The following NPIPB2 variants were observed in gnomAD, a reference collection of about 807,000 sequenced individuals.
NPIPB2 encodes nuclear pore complex interacting protein family member B2.
Under a neutral mutation model 30.8 loss-of-function variants are expected in NPIPB2, and 27 were observed. The ratio of observed to expected loss-of-function variants is 0.88; its 90% CI spans 0.65 to 1.21. NPIPB2 has a LOEUF of 1.21. NPIPB2 is among the 50% of genes most tolerant of loss of function. NPIPB2 has a pLI of 0.00. For synonymous variants in NPIPB2, 147 were observed against 162.0 expected (o/e 0.91, Z 0.70); for missense variants, 440 against 446.2 (o/e 0.99, Z 0.13).
intron 1 of NPIPB2, chr16:11,966,977 CATTTATTTATTTATTT>C (rs36230512): frequency 1.5e-4 from 25 of 161,626 alleles, no homozygotes; most frequent in Admixed American, 3.4e-4. Flanking sequence ...TTTCTGTATG[CATTTATTTATTTATTT>C]ATTTATTTAT....
intron 1 of NPIPB2, chr16:11,967,286 G>C (rs1034632304): frequency 5.5e-6 from 2 of 362,682 alleles, no homozygotes; most frequent in African/African-American, 4.2e-5. Flanking sequence ...ACAGGCGTGA[G>C]CCACAGGGCC....
Position 11,927,466 on chromosome 16 carries a change from CT to C in NPIPB2, c.1100del (p.Lys367ArgfsTer20). 2 of 1,201,902 alleles carry C rather than the reference CT, an allele frequency of 1.7e-6. No individual in the cohort carries two copies. The highest frequency in any genetic ancestry group is 3.5e-5 in the East Asian group (1 of 28,532). 74.5% of individuals were successfully genotyped at this position (1,201,902 alleles called of 1,614,324 possible). A position where few individuals can be genotyped will look rare whatever the true frequency, so the allele number is the denominator to read the frequency against. On this transcript the variant is annotated frameshift_variant, in exon 8 of 8. Coordinates refer to ENST00000399147, the Ensembl canonical transcript of NPIPB2. LOFTEE classifies it high-confidence loss of function. ...GTTCCACCTCAGCGGCCCTCCGCCT[CT>C]TGGGTTCGGGTGGTGATTCCACCTC...
At position 11,933,808 on chromosome 16, in the gene NPIPB2, C is replaced by A; in HGVS notation, c.292+17G>T. The A allele has an allele frequency of 6.3e-7, 1 of 1,590,824 alleles. No individual in the cohort carries two copies. The highest frequency in any genetic ancestry group is 8.5e-7 in the Non-Finnish European group (1 of 1,173,596). On this transcript the variant is annotated intron_variant, in intron 3 of 7. Coordinates refer to ENST00000399147, the Ensembl canonical transcript of NPIPB2. ...CAAACTCATTTCCACACTATGGGGA[C>A]TCCAACAGAGCCATACCTTCCTGTC...
At chr16:11,969,137 G>C (rs188639221) in intron 1 of NPIPB2, among the ~76,000 whole-genome samples, 36 of 152,192 alleles carry the variant, frequency 2.4e-4, no homozygotes, top group African/African-American at 8.2e-4. Context: ...AAAGTGTTGG[G>C]ATTACCGGTG....
chr16:11,927,466 C>T, exon 8 of NPIPB2: 1 of 1,201,902 alleles, frequency 8.3e-7, no homozygotes, highest in East Asian at 3.5e-5. Context: ...CCCTCCGCCT[C>T]TTGGGTTCGG....
At chr16:11,971,312 T>C (rs2055234225) in intron 1 of NPIPB2, among the ~76,000 whole-genome samples, 1 of 152,084 alleles carries the variant, frequency 6.6e-6, no homozygotes, top group Non-Finnish European at 1.5e-5. Context: ...TGAGAACACA[T>C]ACCCTAGGTG....
chr16:11,965,393 T>G, intron 1 of NPIPB2: 1 of 1,614,220 alleles, frequency 6.2e-7, no homozygotes, highest in Non-Finnish European at 8.5e-7. Context: ...CTTGCATACC[T>G]TGTCAACTTC....
chr16:11,948,511 A>T (rs2055033199), intron 1 of NPIPB2, among the ~76,000 whole-genome samples: 1 of 152,146 alleles, frequency 6.6e-6, no homozygotes, highest in Non-Finnish European at 1.5e-5. Context: ...TCACACCTGT[A>T]ATCCCAGCAC....
intron 1 of NPIPB2, among the ~76,000 whole-genome samples, chr16:11,949,322 C>T (rs2055042849): frequency 6.6e-6 from 1 of 152,130 alleles, no homozygotes; most frequent in Admixed American, 6.6e-5. Flanking sequence ...TCATCATCTC[C>T]ATTTAAAAAG....
chr16:11,976,274 G>C (rs2055294829), intron 1 of NPIPB2, among the ~76,000 whole-genome samples: 1 of 152,114 alleles, frequency 6.6e-6, no homozygotes, highest in South Asian at 2.1e-4. Flanking sequence ...CTCCAGGCAG[G>C]GGCCTTGCAA....
intron 1 of NPIPB2, among the ~76,000 whole-genome samples, chr16:11,939,262 T>G (rs3925634): frequency 0.93 from 140,310 of 150,866 alleles, 65,484 homozygotes; most frequent in East Asian, 1. Context: ...ATTTTAGTGC[T>G]TAAAAATTAA....
At chr16:11,951,219 G>A (rs1426087520) in intron 1 of NPIPB2, among the ~76,000 whole-genome samples, 1 of 151,804 alleles carries the variant, frequency 6.6e-6, no homozygotes, top group Non-Finnish European at 1.5e-5. Flanking sequence ...CACTTTGAGA[G>A]GCCGAGGCGG....
At chr16:11,937,088 T>C (rs2054877239) in intron 2 of NPIPB2, among the ~76,000 whole-genome samples, 1 of 152,130 alleles carries the variant, frequency 6.6e-6, no homozygotes, top group Non-Finnish European at 1.5e-5. Context: ...GTCTCATTTT[T>C]CAGCTGGTTC....
intron 4 of NPIPB2, 23 bp from the exon 5 acceptor site, chr16:11,930,574 T>C (rs2054778405): frequency 2.0e-6 from 3 of 1,536,812 alleles, no homozygotes; most frequent in Middle Eastern, 2.3e-4. Context: ...GGGAGAGAAA[T>C]GCACACACAT....
At chr16:11,966,952 A>G (rs905122253) in intron 1 of NPIPB2, 1 of 159,482 alleles carries the variant, frequency 6.3e-6, no homozygotes, top group African/African-American at 2.4e-5. Flanking sequence ...CCAAGCATGT[A>G]CAGCCACTGC....
At chr16:11,930,547 G>C in exon 5 of NPIPB2, 1 of 1,580,348 alleles carries the variant, frequency 6.3e-7, no homozygotes, top group Non-Finnish European at 8.5e-7. Context: ...TTCACGCTTA[G>C]TTTCCTCAGA....
exon 1 of NPIPB2, chr16:11,942,002 T>G (rs751427535): frequency 8.5e-6 from 11 of 1,290,510 alleles, no homozygotes; most frequent in East Asian, 2.5e-5. Flanking sequence ...GTGCCAGGTT[T>G]TACAGCCTCC....
At chr16:11,935,405 C>T (rs2054852123) in intron 2 of NPIPB2, among the ~76,000 whole-genome samples, 1 of 152,068 alleles carries the variant, frequency 6.6e-6, no homozygotes, top group Non-Finnish European at 1.5e-5. Flanking sequence ...CCTCCACCTC[C>T]CAGATTCAAG....
intron 2 of NPIPB2, among the ~76,000 whole-genome samples, chr16:11,935,720 T>A (rs1177110411): frequency 6.8e-6 from 1 of 147,352 alleles, no homozygotes; most frequent in South Asian, 2.2e-4. Flanking sequence ...CAATGGGTAA[T>A]CTAAAAAGAT....
Sources: gnomAD v4.1 joint callset for allele counts (sites outside exome capture counted in the v4.1 genomes callset) on GRCh38, gnomAD v4.1.1 for gene constraint, MANE v1.5 for transcripts, NCBI Gene and HGNC (gene_info 2026-07-23, HGNC 2026-07-21) for gene names.